CAMKMT: variants seen among roughly 807,000 people sequenced by gnomAD.
CAMKMT encodes CaM KMT.
Under a neutral mutation model 48.0 loss-of-function variants are expected in CAMKMT, and 53 were observed. The ratio of observed to expected loss-of-function variants is 1.10; its 90% CI spans 0.89 to 1.39. The LOEUF is 1.39. Among genes scored for constraint, CAMKMT ranks in the 40% most tolerant of loss-of-function variants. The pLI, the probability that CAMKMT is intolerant of heterozygous loss-of-function variation, is 0.00. For missense variants in CAMKMT, 428 were observed against 402.7 expected (o/e 1.06, Z -0.54); for synonymous variants, 165 against 152.3 (o/e 1.08, Z -0.61).
intron 6 of CAMKMT, among the ~76,000 whole-genome samples, chr2:44,710,009 A>G (rs1359500697): frequency 6.6e-6 from 1 of 152,034 alleles, no homozygotes; most frequent in Admixed American, 6.6e-5. Context: ...TTATCATTTT[A>G]AAAATTATTT....
rs1327200621 is a variant in CAMKMT at position 44,412,975 on chromosome 2, C to T, written c.376+22670C>T. Among the ~76,000 whole-genome samples, 5 of 151,588 alleles carry T rather than the reference C, an allele frequency of 3.3e-5. 1 individual carries two copies. Among genetic ancestry groups the T allele is most frequent in the East Asian group, 3.9e-4 (2 of 5,084 alleles). ...CCTGTAAACCCAGCTATTAGGGGGGCGGAGGCAGGAGAATGGCTTGAACCC... is the reference window on the plus strand; with the variant it reads ...CCTGTAAACCCAGCTATTAGGGGGGTGGAGGCAGGAGAATGGCTTGAACCC... On this transcript the variant is annotated intron_variant, in intron 3 of 10. Coordinates refer to ENST00000378494, the MANE Select transcript of CAMKMT (RefSeq NM_024766.5).
chr2:44,613,692 A>T (rs965703939), intron 3 of CAMKMT, among the ~76,000 whole-genome samples: 1 of 152,174 alleles, frequency 6.6e-6, no homozygotes, highest in African/African-American at 2.4e-5. Context: ...CTCATATATC[A>T]TCTCATTAAC....
At chr2:44,426,305 C>T (rs1684272454) in intron 3 of CAMKMT, among the ~76,000 whole-genome samples, 1 of 152,166 alleles carries the variant, frequency 6.6e-6, no homozygotes, top group African/African-American at 2.4e-5. Context: ...TCTTACCACT[C>T]CTATTCAATT....
At chr2:44,692,035 A>G (rs934563575) in intron 3 of CAMKMT, among the ~76,000 whole-genome samples, 1 of 152,158 alleles carries the variant, frequency 6.6e-6, no homozygotes, top group African/African-American at 2.4e-5. Flanking sequence ...TAGAACATGT[A>G]TTGTCCATAT....
chr2:44,425,659 C>A (rs748867683), intron 3 of CAMKMT, among the ~76,000 whole-genome samples: 1 of 151,566 alleles, frequency 6.6e-6, no homozygotes, highest in Non-Finnish European at 1.5e-5. Flanking sequence ...AAATCAAAAG[C>A]CGTATGTATA....
rs185817048 is a variant in CAMKMT, at chr2:44,493,794, C to T, written c.376+103489C>T. ...TTTGGAATTGTGTTAAAGAAAATTA[C>T]GAAATTGTAATGACTAAGTGCATAT... On this transcript the variant is annotated intron_variant, in intron 3 of 10. Transcript: ENST00000378494. Among the ~76,000 whole-genome samples, 631 of 152,158 alleles carry T rather than the reference C, an allele frequency of 4.1e-3. 6 individuals carry two copies. The highest frequency in any genetic ancestry group is 0.014 in the African/African-American group (583 of 41,508).
intron 3 of CAMKMT, among the ~76,000 whole-genome samples, chr2:44,625,745 T>C (rs754831965): frequency 1.3e-5 from 2 of 152,210 alleles, no homozygotes; most frequent in Non-Finnish European, 2.9e-5. Flanking sequence ...CCAGTTGTTC[T>C]AGCATTACTT....
rs571673885 is a variant in CAMKMT, at chr2:44,460,190, T to C, written c.376+69885T>C. Among the ~76,000 whole-genome samples, 6 of 152,330 alleles carry C rather than the reference T, an allele frequency of 3.9e-5. No individual in the cohort carries two copies. The South Asian group carries it at 1.2e-3, about 32-fold the overall frequency. On this transcript the variant is annotated intron_variant, in intron 3 of 10. Coordinates refer to ENST00000378494, the MANE Select transcript of CAMKMT (RefSeq NM_024766.5). ...CAAAGCTTCTCATTTTCCCACCTTATAGTTAACAGAAGAGGGAAAAAAAGC... is the reference window on the plus strand; with the variant it reads ...CAAAGCTTCTCATTTTCCCACCTTACAGTTAACAGAAGAGGGAAAAAAAGC...
At chr2:44,666,710 A>C (rs1674996303) in intron 3 of CAMKMT, among the ~76,000 whole-genome samples, 1 of 150,992 alleles carries the variant, frequency 6.6e-6, no homozygotes, top group African/African-American at 2.5e-5. Context: ...TCCTGGGTTC[A>C]AGGGATTCTC....
intron 1 of CAMKMT, among the ~76,000 whole-genome samples, chr2:44,367,868 CT>C (rs1169575760): frequency 6.6e-6 from 1 of 152,222 alleles, no homozygotes; most frequent in East Asian, 1.9e-4. Context: ...TCTAGCTACT[CT>C]TCTAAAAGAT....
intron 3 of CAMKMT, among the ~76,000 whole-genome samples, chr2:44,569,332 A>G (rs945226079): frequency 6.6e-6 from 1 of 152,214 alleles, no homozygotes; most frequent in Admixed American, 6.5e-5. Context: ...CTTACAGGGT[A>G]TTATACGAAT....
At chr2:44,567,110 TAA>T (rs1197816261) in intron 3 of CAMKMT, among the ~76,000 whole-genome samples, 1 of 152,132 alleles carries the variant, frequency 6.6e-6, no homozygotes, top group African/African-American at 2.4e-5. Flanking sequence ...TGTAGGTTTG[TAA>T]AGAGTGTCAG....
intron 2 of CAMKMT, among the ~76,000 whole-genome samples, chr2:44,382,114 G>A (rs890903742): frequency 6.6e-6 from 1 of 151,754 alleles, no homozygotes; most frequent in Non-Finnish European, 1.5e-5. Flanking sequence ...GCTAATTTTT[G>A]TATTTTTAGT....
intron 3 of CAMKMT, among the ~76,000 whole-genome samples, chr2:44,702,343 G>C (rs1419597612): frequency 6.6e-6 from 1 of 152,130 alleles, no homozygotes; most frequent in African/African-American, 2.4e-5. Context: ...ATTGGGATAC[G>C]AATTTTGGAT....
chr2:44,554,924 A>G (rs1447689544), intron 3 of CAMKMT, among the ~76,000 whole-genome samples: 1 of 152,194 alleles, frequency 6.6e-6, no homozygotes, highest in Non-Finnish European at 1.5e-5. Context: ...GATCTGTTAA[A>G]TAAGATATTT....
At chr2:44,659,075 GTTTTTTTT>G (rs1192483405) in intron 3 of CAMKMT, among the ~76,000 whole-genome samples, 32 of 86,346 alleles carry the variant, frequency 3.7e-4, no homozygotes, top group African/African-American at 1.0e-3. Flanking sequence ...TGTGTGTGTA[GTTTTTTTT>G]TTTTTTTTTT....
intron 3 of CAMKMT, among the ~76,000 whole-genome samples, chr2:44,397,606 C>T (rs570957338): frequency 3.3e-5 from 5 of 152,022 alleles, no homozygotes; most frequent in Admixed American, 6.5e-5. Flanking sequence ...TAAGCGTGCC[C>T]CTAATTCATA....
At chr2:44,582,699 C>T (rs945951353) in intron 3 of CAMKMT, among the ~76,000 whole-genome samples, 1 of 152,118 alleles carries the variant, frequency 6.6e-6, no homozygotes, top group Non-Finnish European at 1.5e-5. Context: ...ATCTCTTACC[C>T]AAAATGTTGG....
At chr2:44,523,761 A>G (rs1418480494) in intron 3 of CAMKMT, among the ~76,000 whole-genome samples, 3 of 143,844 alleles carry the variant, frequency 2.1e-5, no homozygotes, top group Non-Finnish European at 3.0e-5. Context: ...GAGCCTCCAG[A>G]GAGCGAGCAT....
Sources: gnomAD v4.1 joint callset for allele counts (sites outside exome capture counted in the v4.1 genomes callset) on GRCh38, gnomAD v4.1.1 for gene constraint, MANE v1.5 for transcripts, NCBI Gene and HGNC (gene_info 2026-07-23, HGNC 2026-07-21) for gene names.